The following STIM1 variants were observed in gnomAD, a reference collection of about 807,000 sequenced individuals.
The protein encoded by STIM1 is stromal interaction molecule 1.
Under a neutral mutation model 74.7 loss-of-function variants are expected in STIM1, and 25 were observed. The ratio of observed to expected loss-of-function variants is 0.33; its 90% CI spans 0.24 to 0.47. The LOEUF is 0.47. Ranked by LOEUF, STIM1 falls within the 20% of genes least tolerant of loss-of-function variation. The probability of loss-of-function intolerance (pLI) is 1.00; values close to 1 mark genes in which losing one functional copy is unlikely to be tolerated. For synonymous variants in STIM1, 328 were observed against 348.8 expected (o/e 0.94, Z 0.66); for missense variants, 728 against 920.8 (o/e 0.79, Z 2.71).
At chr11:3,939,920 G>A (rs2092984323) in intron 1 of STIM1, among the ~76,000 whole-genome samples, 1 of 152,172 alleles carries the variant, frequency 6.6e-6, no homozygotes, top group Admixed American at 6.5e-5. Context: ...ACTCGTTAGA[G>A]ATCATCATTC....
At chr11:3,980,269 A>G (rs973827527) in intron 2 of STIM1, among the ~76,000 whole-genome samples, 4 of 152,188 alleles carry the variant, frequency 2.6e-5, no homozygotes, top group African/African-American at 9.7e-5. Flanking sequence ...AAAACTATAA[A>G]TGAGTGGCTT....
intron 3 of STIM1, among the ~76,000 whole-genome samples, chr11:4,029,250 TCTCCTTTTCTGTCTGTG>T (rs761814598): frequency 4.1e-4 from 63 of 152,118 alleles, no homozygotes; most frequent in Non-Finnish European, 7.4e-4. Context: ...AGTTCACAGA[TCTCCTTTTCTGTCTGTG>T]CTACTCTTTG....
At position 4,082,467 on chromosome 11, in the gene STIM1, T is replaced by C. The variant is rs16929441; in HGVS notation, c.1137+116T>C. 1,000 of 1,115,314 alleles carry C rather than the reference T, an allele frequency of 9.0e-4. 10 individuals carry two copies. In the African/African-American group the frequency reaches 0.014, roughly 16 times the overall value. The allele number at this position is 1,115,314 out of a possible 1,614,324, so 69.1% of individuals were successfully genotyped here. ...CCTCCCATTGGGTGAAGAGATATCC[T>C]GGTGGTGGGTTCTGTTTCTTTCCTA... On this transcript the variant is annotated intron_variant, in intron 8 of 12. Coordinates refer to ENST00000526596, the MANE Select transcript of STIM1 (RefSeq NM_001382567.1).
chr11:3,968,399 G>A (rs538265984), intron 2 of STIM1, among the ~76,000 whole-genome samples: 1 of 152,308 alleles, frequency 6.6e-6, no homozygotes, highest in South Asian at 2.1e-4. Flanking sequence ...CAATAGTGAT[G>A]TAGTTATATC....
At chr11:3,907,580 C>A (rs1381918175) in intron 1 of STIM1, among the ~76,000 whole-genome samples, 2 of 152,174 alleles carry the variant, frequency 1.3e-5, no homozygotes, top group Non-Finnish European at 2.9e-5. Flanking sequence ...CTGCTTTTGC[C>A]CTTGCCTGTC....
chr11:3,861,235 ATTT>A (rs35261978), intron 1 of STIM1, among the ~76,000 whole-genome samples: 3 of 137,900 alleles, frequency 2.2e-5, no homozygotes, highest in African/African-American at 5.4e-5. Context: ...TAGTGGTTCT[ATTT>A]TTTTTTTTTT....
intron 3 of STIM1, among the ~76,000 whole-genome samples, chr11:4,036,089 A>G (rs1156372019): frequency 6.6e-6 from 1 of 152,130 alleles, no homozygotes; most frequent in Non-Finnish European, 1.5e-5. Context: ...TCTCACTTGC[A>G]AGTGAGAACA....
chr11:3,877,537 T>C (rs1422523516), intron 1 of STIM1, among the ~76,000 whole-genome samples: 1 of 152,202 alleles, frequency 6.6e-6, no homozygotes, highest in Non-Finnish European at 1.5e-5. Flanking sequence ...TTGTTAGTTA[T>C]AGCTTTGAAA....
chr11:3,876,583 A>G (rs11030153), intron 1 of STIM1, among the ~76,000 whole-genome samples: 2 of 151,930 alleles, frequency 1.3e-5, no homozygotes, highest in South Asian at 4.2e-4. Context: ...TTTTATTTTT[A>G]TTTTTTGTAG....
At chr11:3,897,324 C>G (rs1011786645) in intron 1 of STIM1, among the ~76,000 whole-genome samples, 1 of 152,096 alleles carries the variant, frequency 6.6e-6, no homozygotes, top group Non-Finnish European at 1.5e-5. Context: ...GAAAGCTGGC[C>G]TCTTGGAATA....
intron 3 of STIM1, among the ~76,000 whole-genome samples, chr11:4,047,481 C>T (rs999996392): frequency 6.6e-6 from 1 of 151,918 alleles, no homozygotes; most frequent in Non-Finnish European, 1.5e-5. Flanking sequence ...CTGGGTGTGG[C>T]GGCATGTGTC....
intron 1 of STIM1, among the ~76,000 whole-genome samples, chr11:3,931,411 A>T (rs913832268): frequency 2.6e-5 from 4 of 152,222 alleles, no homozygotes; most frequent in Admixed American, 2.6e-4. Context: ...GGATAAACTC[A>T]GTAAGGAGTA....
chr11:4,091,469 G>A lies in STIM1; in HGVS notation c.1822G>A (p.Ala608Thr), dbSNP rs2094524790. The change falls in exon 13 of 13, where the codon GCC (alanine) becomes ACC (threonine). Residue 608 changes from alanine to threonine, a missense_variant. Ala to Thr is a moderately conservative substitution (Grantham distance 58, BLOSUM62 0). Transcript: ENST00000526596. ...SLVEKLPDSP[A>T]LAKKALLALN... ...GGTGGAGAAACTGCCTGACAGCCCT[G>A]CCCTGGCCAAGAAGGCATTACTGGC... 6.2e-7 allele frequency: 1 copy of A among 1,614,064 alleles called. No individual in the cohort carries two copies. Among genetic ancestry groups the A allele is most frequent in the Non-Finnish European group, 8.5e-7 (1 of 1,180,036 alleles).
chr11:3,929,790 A>G (rs372122663), intron 1 of STIM1, among the ~76,000 whole-genome samples: 1 of 152,180 alleles, frequency 6.6e-6, no homozygotes, highest in Non-Finnish European at 1.5e-5. Context: ...CGTTGGTCTG[A>G]AATTCAACCC....
At chr11:3,995,984 C>A (rs919261470) in intron 2 of STIM1, among the ~76,000 whole-genome samples, 5 of 152,130 alleles carry the variant, frequency 3.3e-5, no homozygotes, top group African/African-American at 1.2e-4. Flanking sequence ...TTATCTCCAG[C>A]AAATTCTCTA....
At chr11:3,863,533 C>T (rs1354412394) in intron 1 of STIM1, among the ~76,000 whole-genome samples, 3 of 152,156 alleles carry the variant, frequency 2.0e-5, no homozygotes, top group African/African-American at 7.2e-5. Flanking sequence ...GCTGGGATTA[C>T]AGGCATGAGC....
chr11:4,009,422 G>A (rs933146564), intron 2 of STIM1, among the ~76,000 whole-genome samples: 2 of 152,016 alleles, frequency 1.3e-5, no homozygotes, highest in African/African-American at 4.8e-5. Context: ...AGACTAGCCT[G>A]GCCAACATGC....
At chr11:4,090,200 T>C (rs1019567341) in intron 12 of STIM1, among the ~76,000 whole-genome samples, 1 of 152,212 alleles carries the variant, frequency 6.6e-6, no homozygotes, top group Admixed American at 6.5e-5. Context: ...TCCAAGTGCT[T>C]TGCCAGCATA....
intron 1 of STIM1, among the ~76,000 whole-genome samples, chr11:3,919,006 G>A (rs144450626): frequency 1.3e-3 from 201 of 152,288 alleles, no homozygotes; most frequent in African/African-American, 4.3e-3. Context: ...AGTCTATAGA[G>A]CATAATTTGA....
Sources: gnomAD v4.1 joint callset for allele counts (sites outside exome capture counted in the v4.1 genomes callset) on GRCh38, gnomAD v4.1.1 for gene constraint, MANE v1.5 for transcripts, NCBI Gene and HGNC (gene_info 2026-07-23, HGNC 2026-07-21) for gene names.